ANK3: variants seen among roughly 807,000 people sequenced by gnomAD.
The protein encoded by ANK3 is ankyrin 3.
In ANK3, 57 loss-of-function variants were observed where a neutral mutation model predicts 370.9. The observed-to-expected ratio is 0.15, with a 90% CI of 0.12 to 0.19. The LOEUF is 0.19. ANK3 is among the 10% of genes least tolerant of loss of function. The pLI, the probability that ANK3 is intolerant of heterozygous loss-of-function variation, is 1.00. For missense variants in ANK3, 4,439 were observed against 5,302.1 expected, an observed-to-expected ratio of 0.84 and a Z score of 5.06; for synonymous variants, 1,929 against 1,946.3, an observed-to-expected ratio of 0.99 and a Z score of 0.23.
Position 60,593,166 on chromosome 10 carries a change from T to C in ANK3, c.96+22020A>G, listed in dbSNP as rs139575479. ...TAGCAGTGGCTAGAAAGATAACTGA[T>C]ATTTAAGTGAATACAGCAATTAATC... On this transcript the variant is annotated intron_variant, in intron 2 of 43. Transcript: ENST00000373827. 3.1e-3 allele frequency among the ~76,000 whole-genome samples: 470 copies of C among 152,318 alleles called. 3 individuals are homozygous for C. Among genetic ancestry groups the C allele is most frequent in the Middle Eastern group, 6.8e-3 (2 of 294 alleles).
intron 28 of ANK3, among the ~76,000 whole-genome samples, chr10:60,100,833 C>T (rs989531914): frequency 2.6e-5 from 4 of 152,080 alleles, no homozygotes; most frequent in Non-Finnish European, 5.9e-5. Flanking sequence ...ATATGTAAAA[C>T]AAAGCATACA....
At chr10:60,650,744 C>T (rs1385143478) in intron 1 of ANK3, among the ~76,000 whole-genome samples, 10 of 152,164 alleles carry the variant, frequency 6.6e-5, no homozygotes, top group Non-Finnish European at 1.3e-4. Context: ...TTATTCTCCA[C>T]TCAGCTTCAA....
chr10:60,039,513 T>TA (rs367703887), intron 43 of ANK3, among the ~76,000 whole-genome samples: 253 of 152,346 alleles, frequency 1.7e-3, no homozygotes, highest in Middle Eastern at 3.4e-3. Flanking sequence ...AGAAGAAATT[T>TA]ACGACAGGTT....
rs188592759 is a variant in ANK3 at position 60,060,069 on chromosome 10, T to C, written c.12596-639A>G. The C allele has an allele frequency of 4.8e-6, 6 of 1,260,050 alleles. No individual in the cohort carries two copies. In the East Asian group the frequency reaches 9.7e-5, roughly 20 times the overall value. The allele number at this position is 1,260,050 out of a possible 1,614,324, so 78.1% of individuals were successfully genotyped here. A position where few individuals can be genotyped will look rare whatever the true frequency, so the allele number is the denominator to read the frequency against. The stretch of plus-strand genomic sequence containing the variant: ...TTAGAATACATCAAACAAAAACACA[T>C]GGAATGACTAAAATTATATCAGGCA... On this transcript the variant is annotated intron_variant, in intron 40 of 43. Transcript: ENST00000280772.
chr10:60,724,720 G>A (rs888166232), intron 1 of ANK3, among the ~76,000 whole-genome samples: 2 of 152,058 alleles, frequency 1.3e-5, no homozygotes, highest in Non-Finnish European at 2.9e-5. Flanking sequence ...ATTTTAAAAA[G>A]AAAAAGATAT....
In ANK3 at chr10:60,210,316, G is replaced by A. The variant is rs188345003; in HGVS notation, c.997-2083C>T. On this transcript the variant is annotated intron_variant, in intron 9 of 43. Coordinates refer to ENST00000280772, the MANE Select transcript of ANK3 (RefSeq NM_020987.5). ...CCAGATGGCACTGGCAGGAGGTGGTGAAGATGGGAGGGGTAAATCGTGAGA... is the reference window on the plus strand; with the variant it reads ...CCAGATGGCACTGGCAGGAGGTGGTAAAGATGGGAGGGGTAAATCGTGAGA... Among the ~76,000 whole-genome samples, 173 of 152,248 alleles carry A rather than the reference G, an allele frequency of 1.1e-3. 3 individuals carry two copies. Among genetic ancestry groups the A allele is most frequent in the Admixed American group, 0.01 (154 of 15,290 alleles).
At chr10:60,450,067 CAGA>C (rs1200578463) in intron 2 of ANK3, among the ~76,000 whole-genome samples, 2 of 152,074 alleles carry the variant, frequency 1.3e-5, no homozygotes, top group Non-Finnish European at 2.9e-5. Flanking sequence ...GAGGCCAAGG[CAGA>C]AGAATTGCTT....
chr10:60,387,196 T>G (rs1377835814), intron 1 of ANK3, among the ~76,000 whole-genome samples: 1 of 151,966 alleles, frequency 6.6e-6, no homozygotes, highest in African/African-American at 2.4e-5. Flanking sequence ...TTTCTGCATA[T>G]GAACAAGAGC....
chr10:60,550,642 A>G (rs2077069083), intron 2 of ANK3, among the ~76,000 whole-genome samples: 1 of 152,110 alleles, frequency 6.6e-6, no homozygotes. Flanking sequence ...GCAGCATGAA[A>G]GTATAAACAT....
At chr10:60,712,618 A>C (rs1405068569) in intron 1 of ANK3, among the ~76,000 whole-genome samples, 8 of 152,224 alleles carry the variant, frequency 5.3e-5, no homozygotes, top group Non-Finnish European at 1.0e-4. Context: ...ACAACTAAAT[A>C]CTTTAAACAC....
chr10:60,376,448 T>G (rs10821745), intron 1 of ANK3, among the ~76,000 whole-genome samples: 15,082 of 150,438 alleles, frequency 0.1, 1,109 homozygotes, highest in East Asian at 0.26. Flanking sequence ...AATGGATGGC[T>G]ATATAATTAT....
intron 16 of ANK3, among the ~76,000 whole-genome samples, chr10:60,189,236 T>C (rs1456410442): frequency 6.6e-6 from 1 of 152,158 alleles, no homozygotes. Context: ...TGCATGCCTG[T>C]AGTCTCAGCT....
intron 43 of ANK3, among the ~76,000 whole-genome samples, chr10:60,038,165 G>C (rs1056871024): frequency 6.6e-6 from 1 of 152,208 alleles, no homozygotes; most frequent in African/African-American, 2.4e-5. Flanking sequence ...GGGAGGCCAA[G>C]GTGAGTGGAT....
At chr10:60,382,795 ATC>A (rs1176956818) in intron 1 of ANK3, among the ~76,000 whole-genome samples, 2 of 47,216 alleles carry the variant, frequency 4.2e-5, no homozygotes, top group Non-Finnish European at 8.4e-5. Flanking sequence ...CTATACCTAA[ATC>A]TATATATATA....
chr10:60,483,664 C>A lies in ANK3; in HGVS notation c.96+131522G>T, dbSNP rs138169228. Among the ~76,000 whole-genome samples the A allele has an allele frequency of 1.6e-4, 24 of 152,194 alleles. No individual in the cohort carries two copies. In the East Asian group the frequency reaches 4.6e-3, roughly 29 times the overall value. ...ATGACACAGAGCATATTTTGTTAGG[C>A]TTTCGCTTTTAATGACAATGATTTC... On this transcript the variant is annotated intron_variant, in intron 2 of 43. Coordinates refer to the ANK3 transcript ENST00000373827.
chr10:60,553,779 G>C (rs1486567817), intron 2 of ANK3, among the ~76,000 whole-genome samples: 1 of 152,116 alleles, frequency 6.6e-6, no homozygotes, highest in East Asian at 1.9e-4. Context: ...GTATATATTA[G>C]ATAAACATTT....
rs1455640626 is a variant in ANK3 at position 60,134,353 on chromosome 10, T to C, written c.2759A>G (p.Asp920Gly). Reference protein sequence around the residue: ...RSASLRSFSSDRSYTLNRSSY... With the variant: ...RSASLRSFSSGRSYTLNRSSY... Reference sequence around the variant, plus strand: ...GCTTCTGTTCAAGGTGTAAGACCTATCCGAACTGAAGGAGCGGAGGCTGTT... The same window carrying C: ...GCTTCTGTTCAAGGTGTAAGACCTACCCGAACTGAAGGAGCGGAGGCTGTT... The change falls in exon 25 of 44, where the codon GAT (aspartate) becomes GGT (glycine). Residue 920 changes from aspartate (D) to glycine (G), a missense_variant. By Grantham distance (94) the Asp-to-Gly change is moderately conservative. Around this residue, in one of 13 missense-constraint regions of ANK3, gnomAD observed 702 missense variants for 941.5 expected, o/e 0.75. Coordinates refer to ENST00000280772, the MANE Select transcript of ANK3 (RefSeq NM_020987.5). 1.2e-6 allele frequency: 2 copies of C among 1,613,442 alleles called. No individual in the cohort carries two copies. The highest frequency in any genetic ancestry group is 1.3e-5 in the African/African-American group (1 of 74,906).
intron 41 of ANK3, among the ~76,000 whole-genome samples, chr10:60,058,757 T>C (rs926593453): frequency 2.6e-5 from 4 of 152,146 alleles, no homozygotes; most frequent in Non-Finnish European, 4.4e-5. Context: ...CATTCATTAT[T>C]CTTCTTATGT....
At chr10:60,242,664 C>T (rs1362135885) in intron 7 of ANK3, among the ~76,000 whole-genome samples, 1 of 152,138 alleles carries the variant, frequency 6.6e-6, no homozygotes, top group African/African-American at 2.4e-5. Context: ...CTTATCTCCT[C>T]ATCTGTGCGG....
Sources: gnomAD v4.1 joint callset for allele counts (sites outside exome capture counted in the v4.1 genomes callset) on GRCh38, gnomAD v4.1.1 for gene constraint, gnomAD v4.1.1 regional missense constraint, MANE v1.5 for transcripts, NCBI Gene and HGNC (gene_info 2026-07-23, HGNC 2026-07-21) for gene names.